Variants in MALRD1 observed in about 807,000 individuals in gnomAD.
MALRD1 encodes the protein MAM and LDL receptor class A domain containing 1, also known as MAM and LDL-receptor class A domain-containing protein 1.
A neutral mutation model predicts 242.1 loss-of-function variants in MALRD1; 247 were observed. That is an observed-to-expected ratio of 1.02 (90% CI 0.92 to 1.13). The LOEUF (loss-of-function observed/expected upper bound fraction) is 1.13. Ranked by LOEUF, MALRD1 falls within the 50% of genes most tolerant of loss-of-function variation. MALRD1 has a pLI of 0.00. For missense variants in MALRD1, 2,989 were observed against 2,533.1 expected, an observed-to-expected ratio of 1.18 and a Z score of -3.86; for synonymous variants, 995 against 866.6, an observed-to-expected ratio of 1.15 and a Z score of -2.60.
Position 19,327,591 on chromosome 10 carries a change from C to G in MALRD1, c.3605C>G (p.Ser1202Cys). ...QVLIKKDNVT[S>C]KLWAQTGQQG... ...CTCATCAAGAAAGATAACGTTACTT[C>G]TAAATTGTGGGCTCAAACTGGACAG... The change falls in exon 23 of 40, where the codon TCT becomes TGT. Residue 1202 changes from serine to cysteine, a missense_variant. Ser to Cys is a moderately radical substitution (Grantham distance 112, BLOSUM62 -1). Coordinates refer to ENST00000454679, the MANE Select transcript of MALRD1 (RefSeq NM_001142308.3). 6.5e-7 allele frequency: 1 copy of G among 1,549,840 alleles called. No homozygotes were observed. Among genetic ancestry groups the G allele is most frequent in the Non-Finnish European group, 8.7e-7 (1 of 1,146,342 alleles).
chr10:19,684,644 C>T (rs1350283963), intron 36 of MALRD1, among the ~76,000 whole-genome samples: 1 of 152,064 alleles, frequency 6.6e-6, no homozygotes, highest in African/African-American at 2.4e-5. Context: ...CTCAGCTGCT[C>T]AGAAGGCTGA....
intron 36 of MALRD1, among the ~76,000 whole-genome samples, chr10:19,637,239 A>G (rs1840177428): frequency 1.3e-5 from 2 of 152,176 alleles, no homozygotes; most frequent in South Asian, 4.1e-4. Context: ...TTAAAACTTT[A>G]CCATATTTTC....
At chr10:19,063,192 G>A (rs1834874351) in intron 1 of MALRD1, among the ~76,000 whole-genome samples, 1 of 152,042 alleles carries the variant, frequency 6.6e-6, no homozygotes, top group Non-Finnish European at 1.5e-5. Flanking sequence ...CTACAGTAAT[G>A]AAACAAGGGT....
At chr10:19,049,238 T>TACAAGATACAATGCATACAGA in intron 1 of MALRD1, 101 bp downstream of exon 1, 2 of 882,886 alleles carry the variant, frequency 2.3e-6, no homozygotes, top group Non-Finnish European at 3.0e-6. Context: ...TGGCTCTGTA[T>TACAAGATACAATGCATACAGA]GCATTGTATC....
In MALRD1 at chr10:19,491,663, C is replaced by A. The variant is rs1837500745; in HGVS notation, c.5158+18C>A. 7.1e-6 allele frequency: 11 copies of A among 1,545,388 alleles called. No individual in the cohort carries two copies. Among genetic ancestry groups the A allele is most frequent in the Non-Finnish European group, 9.6e-6 (11 of 1,144,720 alleles). On this transcript the variant is annotated intron_variant, in intron 30 of 39. Coordinates refer to ENST00000454679, the MANE Select transcript of MALRD1 (RefSeq NM_001142308.3). ...TCACTGTGGTAAGTTTATCTATCTG[C>A]TGTATGGCAGCCAGTTCAGCAGATA...
intron 21 of MALRD1, among the ~76,000 whole-genome samples, chr10:19,290,772 C>T (rs968674063): frequency 6.6e-6 from 1 of 152,072 alleles, no homozygotes; most frequent in Non-Finnish European, 1.5e-5. Context: ...ATCATTGAAT[C>T]AAGATACTTG....
chr10:19,491,757 G>C (rs1219409783), intron 30 of MALRD1, 112 bp downstream of exon 30: 9 of 1,238,064 alleles, frequency 7.3e-6, no homozygotes, highest in Non-Finnish European at 8.8e-6. Flanking sequence ...TCATGCACTA[G>C]AGTAGATTTA....
intron 36 of MALRD1, 38 bp from the exon 37 acceptor site, chr10:19,692,244 T>C: frequency 6.9e-7 from 1 of 1,448,306 alleles, no homozygotes; most frequent in East Asian, 2.5e-5. Context: ...CTTTTCACTT[T>C]TCTTTTTTCC....
intron 36 of MALRD1, among the ~76,000 whole-genome samples, chr10:19,631,262 G>T (rs1839887321): frequency 6.6e-6 from 1 of 152,072 alleles, no homozygotes; most frequent in South Asian, 2.1e-4. Context: ...TTTTGTTCCT[G>T]CATTAGTTTA....
At chr10:19,455,154 A>T (rs1835576780) in intron 29 of MALRD1, among the ~76,000 whole-genome samples, 1 of 152,194 alleles carries the variant, frequency 6.6e-6, no homozygotes, top group African/African-American at 2.4e-5. Context: ...TCTCCTTTTT[A>T]TTCAAGTTGG....
At chr10:19,602,852 C>T (rs1838427795) in intron 34 of MALRD1, among the ~76,000 whole-genome samples, 2 of 152,242 alleles carry the variant, frequency 1.3e-5, no homozygotes, top group South Asian at 4.1e-4. Context: ...TCCTCTCCAG[C>T]ACCTGTTGTT....
chr10:19,445,159 G>T (rs1288888779), intron 28 of MALRD1, among the ~76,000 whole-genome samples: 1 of 152,050 alleles, frequency 6.6e-6, no homozygotes, highest in East Asian at 1.9e-4. Flanking sequence ...AGCTCCACCA[G>T]GTCATTTAAG....
At chr10:19,539,922 G>A (rs1208690227) in intron 32 of MALRD1, among the ~76,000 whole-genome samples, 3 of 142,256 alleles carry the variant, frequency 2.1e-5, no homozygotes, top group Admixed American at 6.9e-5. Flanking sequence ...GCGCACACAC[G>A]CGCAGTGATG....
chr10:19,397,522 A>C (rs910159578), intron 28 of MALRD1, among the ~76,000 whole-genome samples: 2 of 152,092 alleles, frequency 1.3e-5, no homozygotes, highest in African/African-American at 4.8e-5. Flanking sequence ...TATCTTGGCT[A>C]TTGTGAATAG....
chr10:19,336,193 T>C (rs910422169), intron 24 of MALRD1, among the ~76,000 whole-genome samples: 12 of 152,190 alleles, frequency 7.9e-5, no homozygotes, highest in Non-Finnish European at 1.5e-5. Flanking sequence ...CAAAAGTGAT[T>C]TGTGTATCTA....
chr10:19,615,516 C>CAAAAAAAAAAAAAAAAAAAAAAAAAAAA (rs530920512), intron 35 of MALRD1, among the ~76,000 whole-genome samples: 2 of 37,244 alleles, frequency 5.4e-5, no homozygotes, highest in African/African-American at 2.8e-4. Context: ...GACCCTGCCT[C>CAAAAAAAAAAAAAAAAAAAAAAAAAAAA]AAAAAAAAAA....
chr10:19,153,844 T>C (rs756056044), intron 11 of MALRD1, among the ~76,000 whole-genome samples: 4 of 151,982 alleles, frequency 2.6e-5, no homozygotes, highest in Non-Finnish European at 5.9e-5. Flanking sequence ...CGTCTTAATG[T>C]GTACATGTTC....
At chr10:19,703,775 A>G (rs947849098) in intron 38 of MALRD1, among the ~76,000 whole-genome samples, 5 of 152,082 alleles carry the variant, frequency 3.3e-5, no homozygotes, top group Non-Finnish European at 2.9e-5. Flanking sequence ...GGTCCCTGTA[A>G]TCCCAGCTAC....
chr10:19,681,129 G>A (rs1842353920), intron 36 of MALRD1, among the ~76,000 whole-genome samples: 1 of 151,970 alleles, frequency 6.6e-6, no homozygotes, highest in Non-Finnish European at 1.5e-5. Context: ...CTTGGGGTTG[G>A]TCTTCTTCTG....
Sources: allele counts gnomAD v4.1 joint callset (sites outside exome capture counted in the v4.1 genomes callset), GRCh38; gene constraint gnomAD v4.1.1; transcripts MANE v1.5; gene names NCBI Gene and HGNC (gene_info 2026-07-23, HGNC 2026-07-21).